NSD3: variants seen among roughly 807,000 people sequenced by gnomAD.
The protein encoded by NSD3 is nuclear receptor binding SET domain protein 3.
Under a neutral mutation model 160.8 loss-of-function variants are expected in NSD3, and 24 were observed. That is an observed-to-expected ratio of 0.15 (90% confidence interval 0.11 to 0.21). The LOEUF is 0.21. Ranked by LOEUF, NSD3 falls within the 10% of genes least tolerant of loss-of-function variation. The pLI is 1.00. For missense variants in NSD3, 1,157 were observed against 1,735.9 expected (o/e 0.67, Z 5.93); for synonymous variants, 520 against 600.0 (o/e 0.87, Z 1.95).
At position 38,358,557 on chromosome 8, in the gene NSD3, A is replaced by T. The variant is rs567967228; in HGVS notation, c.-44-10342T>A. Reference sequence around the variant, plus strand: ...TGCAGCAAAAACATTATTTAAAAAAATTTTTTTTAAGATACATAATGTTAA... The same window carrying T: ...TGCAGCAAAAACATTATTTAAAAAATTTTTTTTTAAGATACATAATGTTAA... On this transcript the variant is annotated intron_variant, in intron 1 of 23. Coordinates refer to ENST00000317025, the MANE Select transcript of NSD3 (RefSeq NM_023034.2). Among the ~76,000 whole-genome samples the T allele has an allele frequency of 3.9e-3, 599 of 152,154 alleles. 4 individuals are homozygous for T. Among genetic ancestry groups the T allele is most frequent in the Non-Finnish European group, 6.0e-3 (406 of 67,974 alleles).
At chr8:38,377,645 G>T (rs1010884204) in intron 1 of NSD3, among the ~76,000 whole-genome samples, 1 of 152,112 alleles carries the variant, frequency 6.6e-6, no homozygotes, top group African/African-American at 2.4e-5. Context: ...GAGCCACTGC[G>T]CCCAGCCGTG....
At chr8:38,341,442 G>A (rs2150380627) in intron 2 of NSD3, among the ~76,000 whole-genome samples, 1 of 152,058 alleles carries the variant, frequency 6.6e-6, no homozygotes, top group Admixed American at 6.5e-5. Context: ...GGAGGCTAAG[G>A]CAGAAGAATT....
intron 12 of NSD3, 45 bp downstream of exon 12, chr8:38,314,602 C>T: frequency 6.2e-7 from 1 of 1,611,792 alleles, no homozygotes; most frequent in South Asian, 1.1e-5. Context: ...ATTCCTGGCA[C>T]AATCCCATTC....
chr8:38,319,088 T>C lies in NSD3; in HGVS notation c.1810-148A>G. The C allele has an allele frequency of 1.4e-6, 1 of 721,642 alleles. No homozygotes were observed. The highest frequency in any genetic ancestry group is 2.3e-6 in the Non-Finnish European group (1 of 433,092). 44.7% of individuals were successfully genotyped at this position (721,642 alleles called of 1,614,324 possible). On this transcript the variant is annotated intron_variant, in intron 8 of 23. Transcript: ENST00000317025. This position sits in a 1 kb window ranked among gnomAD's most constrained non-coding sequence, Gnocchi z 4.1. The stretch of plus-strand genomic sequence containing the variant: ...ACTCAGTCCCATCTTTTGGGTAAAG[T>C]TCTCTGTCTCAAGATCAGGGAGGGT...
intron 1 of NSD3, among the ~76,000 whole-genome samples, chr8:38,358,479 A>C (rs984580313): frequency 1.3e-5 from 2 of 152,190 alleles, no homozygotes; most frequent in Non-Finnish European, 2.9e-5. Flanking sequence ...GACAGTCTAC[A>C]GTAATGAACC....
chr8:38,292,440 A>G (rs1332287964), intron 16 of NSD3, among the ~76,000 whole-genome samples: 3 of 152,048 alleles, frequency 2.0e-5, no homozygotes, highest in East Asian at 3.8e-4. Context: ...TGAAGTCAGG[A>G]GTTCAAGACC....
chr8:38,295,852 T>C lies in NSD3; in HGVS notation c.2859A>G (p.Lys953=), dbSNP rs767028431. The C allele has an allele frequency of 6.2e-7, 1 of 1,614,126 alleles. No individual in the cohort carries two copies. The highest frequency in any genetic ancestry group is 1.1e-5 in the South Asian group (1 of 91,060). ...PEGCWNCNDC[K]AGKKLHYKQI... ...GCTTGTAATGTAGTTTCTTGCCAGC[T>C]TTACAGTCATTACAATTCCAGCAGC... is the stretch of plus-strand genomic sequence containing the variant. Residue 953 remains lysine, a synonymous_variant, in exon 16 of 24, where the codon AAA becomes AAG. Coordinates refer to ENST00000317025, the MANE Select transcript of NSD3 (RefSeq NM_023034.2).
chr8:38,347,743 C>G lies in NSD3; in HGVS notation c.429G>C (p.Val143=). 6.2e-7 allele frequency: 1 copy of G among 1,612,540 alleles called. No individual in the cohort carries two copies. The highest frequency in any genetic ancestry group is 8.5e-7 in the Non-Finnish European group (1 of 1,180,022). Residue 143 remains valine, a synonymous_variant, in exon 2 of 24, where the codon GTG becomes GTC. Coordinates refer to ENST00000317025, the MANE Select transcript of NSD3 (RefSeq NM_023034.2). ...CAGGTGAGCCAGTCTTCTTTGGAAT[C>G]ACAGTTTGTGGTACCGAAGGAGGAG... ...PPPPPSVPQT[V]IPKKTGSPEI... is the part of the protein sequence containing the mutation.
intron 1 of NSD3, among the ~76,000 whole-genome samples, chr8:38,357,309 A>G (rs149425874): frequency 2.3e-4 from 35 of 152,164 alleles, no homozygotes; most frequent in African/African-American, 5.8e-4. Context: ...AAATCCTTCA[A>G]TGGTTTCCCA....
chr8:38,379,422 T>C (rs1053514234), intron 1 of NSD3, among the ~76,000 whole-genome samples: 2 of 152,040 alleles, frequency 1.3e-5, no homozygotes, highest in African/African-American at 4.8e-5. Flanking sequence ...ACAAATAACA[T>C]GTCAATCAAG....
At chr8:38,298,855 G>T (rs1002017100) in intron 15 of NSD3, among the ~76,000 whole-genome samples, 10 of 152,150 alleles carry the variant, frequency 6.6e-5, no homozygotes, top group African/African-American at 2.4e-4. Context: ...CAATTCAGCT[G>T]GGCTGCCTTC....
intron 1 of NSD3, among the ~76,000 whole-genome samples, chr8:38,365,917 T>C (rs140221536): frequency 3.1e-4 from 47 of 152,246 alleles, no homozygotes; most frequent in African/African-American, 1.1e-3. Context: ...AATTACGGTT[T>C]ACTCAAGTAT....
intron 1 of NSD3, among the ~76,000 whole-genome samples, chr8:38,361,484 G>A (rs1010471892): frequency 2.0e-5 from 3 of 151,474 alleles, no homozygotes; most frequent in African/African-American, 7.3e-5. Context: ...GGCCGGGCGC[G>A]GTGGCTCACA....
At chr8:38,369,806 T>G (rs74614512) in intron 1 of NSD3, among the ~76,000 whole-genome samples, 1 of 152,142 alleles carries the variant, frequency 6.6e-6, no homozygotes, top group Non-Finnish European at 1.5e-5. Context: ...TTTTTGTTTT[T>G]GTTTTTGAGA....
At chr8:38,324,767 C>T (rs184073219) in intron 7 of NSD3, among the ~76,000 whole-genome samples, 1 of 152,262 alleles carries the variant, frequency 6.6e-6, no homozygotes, top group Non-Finnish European at 1.5e-5. Context: ...CTCCACCCCC[C>T]CATCCTCCGA....
intron 14 of NSD3, among the ~76,000 whole-genome samples, chr8:38,303,931 G>A (rs1378294740): frequency 6.6e-6 from 1 of 152,178 alleles, no homozygotes; most frequent in Non-Finnish European, 1.5e-5. Context: ...AACTAAAGAA[G>A]TTTGATTTTA....
intron 1 of NSD3, 55 bp downstream of exon 1, chr8:38,381,744 G>GCACACA (rs1433892197): frequency 8.5e-6 from 1 of 117,430 alleles, no homozygotes; most frequent in African/African-American, 3.1e-5. Context: ...ACGCGCGCGC[G>GCACACA]CGCACACACA....
At chr8:38,349,359 T>A (rs1810613156) in intron 1 of NSD3, among the ~76,000 whole-genome samples, 2 of 152,022 alleles carry the variant, frequency 1.3e-5, no homozygotes, top group Admixed American at 6.6e-5. Flanking sequence ...TTACTCTTTT[T>A]TTCAAATAGA....
rs1055874292 is a variant in NSD3 at position 38,272,429 on chromosome 8, T to A, written c.*3212A>T. ...GAGGTGAATCACTGCCTCTGGCTGC[T>A]TCAGCCTTCCAGGAATGAAGAGCCA... On this transcript the variant is annotated 3_prime_UTR_variant, in exon 24 of 24. Coordinates refer to ENST00000317025, the MANE Select transcript of NSD3 (RefSeq NM_023034.2). 1 of 152,254 alleles carries A rather than the reference T, an allele frequency of 6.6e-6. No homozygotes were observed. The highest frequency in any genetic ancestry group is 2.4e-5 in the African/African-American group (1 of 41,462). The allele number at this position is 152,254 out of a possible 1,614,324, so 9.4% of individuals were successfully genotyped here.
Sources: gnomAD v4.1 joint callset for allele counts (sites outside exome capture counted in the v4.1 genomes callset) on GRCh38, gnomAD v4.1.1 for gene constraint, Gnocchi (gnomAD v3.1) non-coding constraint, MANE v1.5 for transcripts, NCBI Gene and HGNC (gene_info 2026-07-23, HGNC 2026-07-21) for gene names.